The following DNAH5 variants were observed in gnomAD, a reference collection of about 807,000 sequenced individuals.
DNAH5 encodes the protein dynein axonemal heavy chain 5.
DNAH5 carries 372 observed loss-of-function variants against 518.2 expected under a neutral mutation model. The observed-to-expected ratio is 0.72, with a 90% CI of 0.66 to 0.78. The LOEUF is 0.78. Among genes scored for constraint, DNAH5 ranks in the 30% least tolerant of loss-of-function variants. DNAH5 has a pLI of 0.00. For synonymous variants in DNAH5, 2,039 were observed against 2,025.9 expected (o/e 1.01, Z -0.17); for missense variants, 5,523 against 5,687.0 (o/e 0.97, Z 0.93).
At chr5:13,754,158 T>C (rs2126705534) in intron 62 of DNAH5, 45 bp downstream of exon 62, 1 of 1,611,984 alleles carries the variant, frequency 6.2e-7, no homozygotes, top group Non-Finnish European at 8.5e-7. Context: ...TCGAATTCCC[T>C]ATCACAGTCA....
At position 13,885,415 on chromosome 5, in the gene DNAH5, G is replaced by A. The variant is rs139563055; in HGVS notation, c.2744-187C>T. 3.8e-3 allele frequency among the ~76,000 whole-genome samples: 583 copies of A among 152,076 alleles called. 1 individual carries two copies. The highest frequency in any genetic ancestry group is 6.6e-3 in the Non-Finnish European group (452 of 68,022). ...GACATCAAAAAGTAGGAGGAAATCAGGAACCAGAGGGACTGATGGAAGCAT... is the reference window on the plus strand; with the variant it reads ...GACATCAAAAAGTAGGAGGAAATCAAGAACCAGAGGGACTGATGGAAGCAT... On this transcript the variant is annotated intron_variant, in intron 18 of 78. Coordinates refer to ENST00000265104, the MANE Select transcript of DNAH5 (RefSeq NM_001369.3).
chr5:13,940,033 C>G (rs1354479643), intron 1 of DNAH5, among the ~76,000 whole-genome samples: 1 of 152,154 alleles, frequency 6.6e-6, no homozygotes, highest in African/African-American at 2.4e-5. Flanking sequence ...CCCAAGGCCT[C>G]TAGCTCTCCC....
In DNAH5 at chr5:13,792,008, T is replaced by C. The variant is rs768275043; in HGVS notation, c.8434A>G (p.Ile2812Val). The C allele has an allele frequency of 1.1e-5, 18 of 1,613,790 alleles. No individual in the cohort carries two copies. The highest frequency in any genetic ancestry group is 1.4e-5 in the Non-Finnish European group (17 of 1,179,738). Reference protein sequence around the residue: ...QGMLNTTSEVIKEPNDLLKLW... With the variant: ...QGMLNTTSEVVKEPNDLLKLW... ...GTGTCACTTACATTTGGTTCCTTGA[T>C]GACCTCTGAAGTAGTGTTCAGCATT... The change falls in exon 50 of 79, where the codon ATC (isoleucine) becomes GTC (valine). Residue 2812 changes from isoleucine (I) to valine (V), a missense_variant. Transcript: ENST00000265104.
intron 1 of DNAH5, among the ~76,000 whole-genome samples, chr5:13,957,708 G>A (rs1446247693): frequency 1.3e-5 from 2 of 151,778 alleles, no homozygotes; most frequent in Admixed American, 1.3e-4. Context: ...TAGTTACATA[G>A]TGAACTCTTT....
chr5:13,977,417 C>T (rs898657260), intron 1 of DNAH5, among the ~76,000 whole-genome samples: 3 of 152,102 alleles, frequency 2.0e-5, no homozygotes, highest in African/African-American at 4.8e-5. Context: ...TACCATAGAC[C>T]GAAAGGCTTA....
At chr5:13,875,921 AC>A (rs1770822094) in intron 22 of DNAH5, among the ~76,000 whole-genome samples, 1 of 152,188 alleles carries the variant, frequency 6.6e-6, no homozygotes, top group Non-Finnish European at 1.5e-5. Flanking sequence ...TTTCAAATGA[AC>A]GTAACTCATT....
At chr5:13,894,905 AC>A in intron 15 of DNAH5, 84 bp from the exon 16 acceptor site, 1 of 1,497,236 alleles carries the variant, frequency 6.7e-7, no homozygotes, top group Non-Finnish European at 9.2e-7. Flanking sequence ...CAAAATGACT[AC>A]TTTTATTTAG....
intron 65 of DNAH5, among the ~76,000 whole-genome samples, chr5:13,746,411 T>TA (rs1369163236): frequency 2.0e-5 from 3 of 152,240 alleles, no homozygotes; most frequent in South Asian, 2.1e-4. Context: ...GAGTTTATTA[T>TA]ACCTAAGGGT....
chr5:13,700,080 C>T (rs961593545), intron 78 of DNAH5, among the ~76,000 whole-genome samples: 1 of 152,174 alleles, frequency 6.6e-6, no homozygotes. Context: ...AGTAAGAACC[C>T]AGTATTTTAC....
rs1410511441 is a variant in DNAH5, at chr5:13,792,082, T to C, written c.8360A>G (p.Lys2787Arg). ...TCGTAGGTTAAACACATAATGGAAT[T>C]TTGCAGGGGTAGGAAGCATTTTAAT... ...TKIKMLPTPA[K>R]FHYVFNLRDL... Residue 2787 changes from lysine (K) to arginine (R), a missense_variant, in exon 50 of 79, where the codon AAA becomes AGA. Lys to Arg is a conservative substitution (Grantham distance 26). Coordinates refer to ENST00000265104, the MANE Select transcript of DNAH5 (RefSeq NM_001369.3). The C allele has an allele frequency of 6.2e-7, 1 of 1,614,024 alleles. No individual in the cohort carries two copies. Among genetic ancestry groups the C allele is most frequent in the East Asian group, 2.2e-5 (1 of 44,872 alleles).
intron 66 of DNAH5, among the ~76,000 whole-genome samples, 171 bp downstream of exon 66, chr5:13,737,080 TA>T (rs1747589764): frequency 6.6e-6 from 1 of 152,224 alleles, no homozygotes; most frequent in Admixed American, 6.5e-5. Flanking sequence ...TATACCATTA[TA>T]AAAAATTTTT....
At chr5:13,987,783 G>T (rs1326107149) in intron 1 of DNAH5, among the ~76,000 whole-genome samples, 1 of 152,080 alleles carries the variant, frequency 6.6e-6, no homozygotes, top group Non-Finnish European at 1.5e-5. Context: ...GAACCCAGGA[G>T]GTGGAGATTG....
intron 55 of DNAH5, among the ~76,000 whole-genome samples, chr5:13,774,359 G>C (rs8180380): frequency 0.31 from 47,346 of 151,940 alleles, 7,814 homozygotes; most frequent in Non-Finnish European, 0.37. Context: ...CTGAAAGGGG[G>C]AGACAATTTG....
intron 12 of DNAH5, among the ~76,000 whole-genome samples, chr5:13,908,568 T>G (rs751190298): frequency 6.6e-6 from 1 of 152,226 alleles, no homozygotes; most frequent in African/African-American, 2.4e-5. Flanking sequence ...ATCTTCATAC[T>G]CGTCTTCACA....
chr5:13,772,220 A>G (rs1020191184), intron 55 of DNAH5, among the ~76,000 whole-genome samples: 1 of 152,052 alleles, frequency 6.6e-6, no homozygotes, highest in Non-Finnish European at 1.5e-5. Context: ...TCAATGCTTT[A>G]CTTGGCATTA....
intron 65 of DNAH5, among the ~76,000 whole-genome samples, chr5:13,738,324 T>C (rs1374251717): frequency 6.6e-6 from 1 of 152,178 alleles, no homozygotes; most frequent in Non-Finnish European, 1.5e-5. Context: ...ATAGGTTTAC[T>C]TCTGTCTACT....
At chr5:13,908,781 G>A (rs984884174) in intron 12 of DNAH5, among the ~76,000 whole-genome samples, 1 of 152,138 alleles carries the variant, frequency 6.6e-6, no homozygotes. Flanking sequence ...AGGATTCCAG[G>A]CTCTGATCCC....
At chr5:13,998,337 C>G (rs1784111192) in intron 1 of DNAH5, among the ~76,000 whole-genome samples, 1 of 152,208 alleles carries the variant, frequency 6.6e-6, no homozygotes, top group Admixed American at 6.5e-5. Context: ...AGAGCAGAGC[C>G]TTCACGACCT....
At chr5:13,951,733 CA>C (rs1780430095) in intron 1 of DNAH5, among the ~76,000 whole-genome samples, 1 of 152,202 alleles carries the variant, frequency 6.6e-6, no homozygotes, top group South Asian at 2.1e-4. Flanking sequence ...CTGCAGAAAC[CA>C]GACAGCTGTG....
Sources: gnomAD v4.1 joint callset for allele counts (sites outside exome capture counted in the v4.1 genomes callset) on GRCh38, gnomAD v4.1.1 for gene constraint, MANE v1.5 for transcripts, NCBI Gene and HGNC (gene_info 2026-07-23, HGNC 2026-07-21) for gene names.